Variants in TMEM132D observed in about 807,000 individuals in gnomAD.
TMEM132D encodes the protein mature OL transmembrane protein.
A neutral mutation model predicts 62.3 loss-of-function variants in TMEM132D; 21 were observed. The ratio of observed to expected loss-of-function variants is 0.34; its 90% confidence interval spans 0.24 to 0.49. The LOEUF (loss-of-function observed/expected upper bound fraction) is 0.49, where lower values mean the gene tolerates loss of function less well. Ranked by LOEUF, TMEM132D falls within the 20% of genes least tolerant of loss-of-function variation. The pLI, the probability that TMEM132D is intolerant of heterozygous loss-of-function variation, is 0.99. For synonymous variants in TMEM132D, 621 were observed against 575.6 expected (o/e 1.08, Z -1.13); for missense variants, 1,346 against 1,402.8 (o/e 0.96, Z 0.65).
intron 1 of TMEM132D, among the ~76,000 whole-genome samples, chr12:129,715,824 T>G (rs910242880): frequency 1.3e-4 from 20 of 152,230 alleles, no homozygotes; most frequent in African/African-American, 4.8e-4. Flanking sequence ...GGTGGCATCT[T>G]CAAGTGTCCA....
intron 3 of TMEM132D, 40 bp downstream of exon 3, chr12:129,531,019 G>C (rs1876202935): frequency 2.0e-6 from 3 of 1,471,452 alleles, no homozygotes; most frequent in Non-Finnish European, 2.7e-6. Flanking sequence ...GGCCACATTT[G>C]CAGCTGATCT....
chr12:129,585,692 T>C (rs2137130409), intron 2 of TMEM132D, among the ~76,000 whole-genome samples: 1 of 152,312 alleles, frequency 6.6e-6, no homozygotes, highest in East Asian at 1.9e-4. Flanking sequence ...CAAAGGGATT[T>C]CAAATTGGCC....
chr12:129,380,238 C>T (rs1245875250), intron 3 of TMEM132D, among the ~76,000 whole-genome samples: 2 of 152,098 alleles, frequency 1.3e-5, no homozygotes, highest in Admixed American at 6.5e-5. Flanking sequence ...CTAAACTGCT[C>T]ATTAGCCTCA....
intron 2 of TMEM132D, among the ~76,000 whole-genome samples, chr12:129,672,774 CAG>C (rs1486692541): frequency 1.3e-5 from 2 of 152,142 alleles, no homozygotes; most frequent in African/African-American, 4.8e-5. Flanking sequence ...TGTTTTGAGA[CAG>C]AGTCTCTATT....
At position 129,598,065 on chromosome 12, in the gene TMEM132D, C is replaced by A. The variant is rs368456322; in HGVS notation, c.969-66860G>T. Among the ~76,000 whole-genome samples, 621 of 152,202 alleles carry A rather than the reference C, an allele frequency of 4.1e-3. 21 individuals carry two copies. The South Asian group carries it at 0.083, about 20-fold the overall frequency. ...CTTGCAAAAACAACAACAACAACAA[C>A]AAAAAACTACAAAGGAATTCAACTA... On this transcript the variant is annotated intron_variant, in intron 2 of 8. Coordinates refer to ENST00000422113, the MANE Select transcript of TMEM132D (RefSeq NM_133448.3).
chr12:129,613,510 T>C (rs1878832811), intron 2 of TMEM132D, among the ~76,000 whole-genome samples: 2 of 152,150 alleles, frequency 1.3e-5, no homozygotes, highest in Admixed American at 6.5e-5. Context: ...CCAGCAGCAA[T>C]ATGTCATTTT....
intron 3 of TMEM132D, among the ~76,000 whole-genome samples, chr12:129,500,378 C>G (rs1296194341): frequency 6.6e-6 from 1 of 152,216 alleles, no homozygotes; most frequent in Non-Finnish European, 1.5e-5. Context: ...CACCTGACCT[C>G]ATCTGTACCC....
intron 2 of TMEM132D, among the ~76,000 whole-genome samples, chr12:129,619,190 C>T (rs914761074): frequency 3.3e-5 from 5 of 152,190 alleles, no homozygotes; most frequent in Admixed American, 1.3e-4. Context: ...AGCCTAAAAT[C>T]GATTTTCAGG....
intron 2 of TMEM132D, among the ~76,000 whole-genome samples, chr12:129,562,541 C>T (rs985402572): frequency 6.6e-6 from 1 of 152,200 alleles, no homozygotes; most frequent in African/African-American, 2.4e-5. Flanking sequence ...TGTACTCTTA[C>T]AGAAGGAAGA....
chr12:129,119,110 T>C (rs532221970), intron 5 of TMEM132D, among the ~76,000 whole-genome samples: 1 of 152,340 alleles, frequency 6.6e-6, no homozygotes, highest in South Asian at 2.1e-4. Flanking sequence ...ACTAAGAGAA[T>C]GCTGCTGAGA....
At chr12:129,834,275 T>C (rs1872933930) in intron 1 of TMEM132D, among the ~76,000 whole-genome samples, 1 of 152,160 alleles carries the variant, frequency 6.6e-6, no homozygotes, top group Non-Finnish European at 1.5e-5. Flanking sequence ...GGGGCTTGTT[T>C]TGAAACAAAC....
At chr12:129,611,311 T>C (rs1374644636) in intron 2 of TMEM132D, among the ~76,000 whole-genome samples, 1 of 152,202 alleles carries the variant, frequency 6.6e-6, no homozygotes, top group Non-Finnish European at 1.5e-5. Flanking sequence ...GTATTTTTCA[T>C]GGTAATTAAC....
chr12:129,194,201 C>A (rs555564340), intron 5 of TMEM132D, among the ~76,000 whole-genome samples: 2 of 152,168 alleles, frequency 1.3e-5, no homozygotes, highest in Admixed American at 6.5e-5. Flanking sequence ...TATGGAGAAG[C>A]AATTAGGGCT....
intron 4 of TMEM132D, among the ~76,000 whole-genome samples, chr12:129,254,222 C>T (rs60745371): frequency 0.034 from 5,139 of 152,172 alleles, 304 homozygotes; most frequent in African/African-American, 0.12. Flanking sequence ...TGTAGTGTTC[C>T]CAGAGCAAAG....
At chr12:129,633,917 T>G (rs1447055499) in intron 2 of TMEM132D, among the ~76,000 whole-genome samples, 2 of 152,136 alleles carry the variant, frequency 1.3e-5, no homozygotes, top group Non-Finnish European at 2.9e-5. Context: ...GAGACATGCC[T>G]TCCCACCTAA....
chr12:129,732,233 C>CTT (rs1869273404), intron 1 of TMEM132D, among the ~76,000 whole-genome samples: 1 of 152,140 alleles, frequency 6.6e-6, no homozygotes, highest in Non-Finnish European at 1.5e-5. Flanking sequence ...TATATCTGTT[C>CTT]TTTTTCCCTG....
At chr12:129,740,040 C>A (rs1470091079) in intron 1 of TMEM132D, among the ~76,000 whole-genome samples, 1 of 152,082 alleles carries the variant, frequency 6.6e-6, no homozygotes, top group African/African-American at 2.4e-5. Context: ...ATGGACTGGC[C>A]CCTCTCCTAA....
chr12:129,160,663 T>A (rs1315191668), intron 5 of TMEM132D, among the ~76,000 whole-genome samples: 4 of 152,346 alleles, frequency 2.6e-5, no homozygotes, highest in African/African-American at 7.2e-5. Context: ...TCCCTCATGT[T>A]TAAGTTTTCT....
At chr12:129,829,937 A>G (rs1211931864) in intron 1 of TMEM132D, among the ~76,000 whole-genome samples, 1 of 152,170 alleles carries the variant, frequency 6.6e-6, no homozygotes, top group Non-Finnish European at 1.5e-5. Flanking sequence ...CTCAGGTTTT[A>G]AGTTTGTTTG....
Sources: allele counts gnomAD v4.1 joint callset (sites outside exome capture counted in the v4.1 genomes callset), GRCh38; gene constraint gnomAD v4.1.1; transcripts MANE v1.5; gene names NCBI Gene and HGNC (gene_info 2026-07-23, HGNC 2026-07-21).